Variants in TSNARE1 observed in about 807,000 individuals in gnomAD.
The protein encoded by TSNARE1 is t-SNARE domain containing 1.
TSNARE1 carries 49 observed loss-of-function variants against 62.0 expected under a neutral mutation model. That is an observed-to-expected ratio of 0.79 (90% confidence interval 0.63 to 1.00). TSNARE1 has a LOEUF of 1.00. Ranked by LOEUF, TSNARE1 falls within the 50% of genes least tolerant of loss-of-function variation. The probability of loss-of-function intolerance (pLI) is 0.00; values close to 1 mark genes in which losing one functional copy is unlikely to be tolerated. For synonymous variants in TSNARE1, 328 were observed against 294.4 expected (o/e 1.11, Z -1.17); for missense variants, 755 against 700.1 (o/e 1.08, Z -0.88).
chr8:142,349,554 G>C (rs565754656), intron 2 of TSNARE1, among the ~76,000 whole-genome samples: 1 of 152,168 alleles, frequency 6.6e-6, no homozygotes. Context: ...ACGCACAGAA[G>C]GGGGAAGCCA....
rs1386568209 is a variant in TSNARE1 at position 142,301,393 on chromosome 8, G to A, written c.1132-749C>T. Among the ~76,000 whole-genome samples the A allele has an allele frequency of 1.6e-4, 16 of 102,062 alleles. No homozygotes were observed. The East Asian group carries it at 3.3e-3, about 21-fold the overall frequency. The allele number at this position is 102,062 out of a possible 152,430, so 67.0% of individuals were successfully genotyped here. The stretch of plus-strand genomic sequence containing the variant: ...GCCAGCAGGCCTTCCTTCCCCTCCC[G>A]TCAGGAGCCCGGCCACAGTGCCCCC... On this transcript the variant is annotated intron_variant, in intron 9 of 13. Transcript: ENST00000524325.
At chr8:142,343,649 T>C (rs1832895488) in intron 4 of TSNARE1, among the ~76,000 whole-genome samples, 1 of 150,662 alleles carries the variant, frequency 6.6e-6, no homozygotes, top group African/African-American at 2.5e-5. Flanking sequence ...GTAATAGATA[T>C]TGGCTGAATG....
At chr8:142,403,245 C>G (rs1424599479), upstream of TSNARE1, 1 of 151,410 alleles carries the variant, frequency 6.6e-6, no homozygotes, top group Non-Finnish European at 1.5e-5. Context: ...CCGCCGGTCC[C>G]GGACGCGCGC....
At chr8:142,352,930 C>T (rs1834299132) in intron 2 of TSNARE1, among the ~76,000 whole-genome samples, 1 of 152,174 alleles carries the variant, frequency 6.6e-6, no homozygotes, top group African/African-American at 2.4e-5. Context: ...TGCACACACA[C>T]GTACAATCCT....
intron 12 of TSNARE1, among the ~76,000 whole-genome samples, chr8:142,239,340 A>T (rs1184339588): frequency 6.6e-6 from 1 of 152,228 alleles, no homozygotes; most frequent in Non-Finnish European, 1.5e-5. Flanking sequence ...GTAAGAGCCA[A>T]GACAGGCCTG....
In TSNARE1 at chr8:142,344,109, T is replaced by TCGCC; in HGVS notation, c.598_601dup (p.Asp201GlyfsTer91). 6.2e-7 allele frequency: 1 copy of TCGCC among 1,610,380 alleles called. No homozygotes were observed. The highest frequency in any genetic ancestry group is 8.5e-7 in the Non-Finnish European group (1 of 1,178,450). ...GGGGCCATGGGCCGCCTTCCGGAGG[T>TCGCC]CGCCCAGCTTGCGCCGCACGACGGC... On this transcript the variant is annotated frameshift_variant, in exon 4 of 14. Transcript: ENST00000524325. LOFTEE classifies it high-confidence loss of function.
chr8:142,360,866 G>A (rs890885442), intron 1 of TSNARE1, among the ~76,000 whole-genome samples: 1 of 152,194 alleles, frequency 6.6e-6, no homozygotes, highest in African/African-American at 2.4e-5. Flanking sequence ...CCCAACTCCT[G>A]GGCTGTGGGG....
At chr8:142,332,817 C>A (rs1353325808) in intron 4 of TSNARE1, among the ~76,000 whole-genome samples, 8 of 152,126 alleles carry the variant, frequency 5.3e-5, no homozygotes, top group African/African-American at 1.7e-4. Context: ...GCCAGCAGTC[C>A]CAGGGTTTAC....
At chr8:142,222,702 A>G (rs1816426676) in intron 13 of TSNARE1, among the ~76,000 whole-genome samples, 1 of 116,054 alleles carries the variant, frequency 8.6e-6, no homozygotes. Flanking sequence ...TCACTCATCC[A>G]CTCACTCACT....
At chr8:142,350,354 G>A (rs1304992137) in intron 2 of TSNARE1, among the ~76,000 whole-genome samples, 1 of 152,216 alleles carries the variant, frequency 6.6e-6, no homozygotes, top group African/African-American at 2.4e-5. Flanking sequence ...TGAACATTTA[G>A]ATAAAACAGT....
At chr8:142,235,171 A>C (rs1328098770) in intron 12 of TSNARE1, among the ~76,000 whole-genome samples, 1 of 151,434 alleles carries the variant, frequency 6.6e-6, no homozygotes, top group East Asian at 1.9e-4. Flanking sequence ...CCCGTGGTCC[A>C]GAGAAGGACG....
chr8:142,321,285 C>G lies in TSNARE1; in HGVS notation c.894-2651G>C, dbSNP rs75146832. On this transcript the variant is annotated intron_variant, in intron 6 of 13. Coordinates refer to ENST00000524325, the MANE Select transcript of TSNARE1 (RefSeq NM_145003.5). ...ACCAGGCAGTACCTCCTACCTCAAA[C>G]AAGCAGAAAATACATTTTAAACAAA... Among the ~76,000 whole-genome samples the G allele has an allele frequency of 4.7e-3, 713 of 152,264 alleles. 9 individuals are homozygous for G. The highest frequency in any genetic ancestry group is 0.016 in the African/African-American group (666 of 41,556).
chr8:142,322,145 G>A (rs1426878256), intron 6 of TSNARE1, among the ~76,000 whole-genome samples: 1 of 152,186 alleles, frequency 6.6e-6, no homozygotes, highest in Non-Finnish European at 1.5e-5. Flanking sequence ...ATTTAACAAG[G>A]AGAAAAACAT....
intron 12 of TSNARE1, among the ~76,000 whole-genome samples, chr8:142,264,838 A>G (rs1306960621): frequency 6.6e-6 from 1 of 152,072 alleles, no homozygotes; most frequent in South Asian, 2.1e-4. Flanking sequence ...TTTTCCTCCA[A>G]TCTGACAGTC....
chr8:142,296,498 G>A (rs1824775980), intron 10 of TSNARE1, among the ~76,000 whole-genome samples: 1 of 151,796 alleles, frequency 6.6e-6, no homozygotes, highest in South Asian at 2.1e-4. Flanking sequence ...CTGTCTTTGG[G>A]GGCACTGGCC....
intron 4 of TSNARE1, among the ~76,000 whole-genome samples, chr8:142,334,863 CAG>C (rs775096454): frequency 3.2e-4 from 48 of 152,284 alleles, no homozygotes; most frequent in Non-Finnish European, 5.0e-4. Context: ...ATTTCAAACA[CAG>C]GGGCAGATTT....
chr8:142,305,989 T>G (rs1269668219), intron 9 of TSNARE1, among the ~76,000 whole-genome samples: 1 of 152,136 alleles, frequency 6.6e-6, no homozygotes, highest in Non-Finnish European at 1.5e-5. Context: ...TCCAAGGCTC[T>G]GGGAAGGAGA....
At chr8:142,295,177 A>AGCTCCCACAT (rs769535229) in intron 10 of TSNARE1, among the ~76,000 whole-genome samples, 11 of 151,640 alleles carry the variant, frequency 7.3e-5, no homozygotes, top group Non-Finnish European at 1.3e-4. Context: ...AAGCAGACTC[A>AGCTCCCACAT]GCTCCCACAT....
chr8:142,315,159 A>T lies in TSNARE1; in HGVS notation c.985-67T>A, dbSNP rs957357285. The T allele has an allele frequency of 7.9e-6, 12 of 1,520,868 alleles. 1 individual carries two copies. The Middle Eastern group carries it at 5.3e-4, about 67-fold the overall frequency. The allele number at this position is 1,520,868 out of a possible 1,614,324, so 94.2% of individuals were successfully genotyped here. A position where few individuals can be genotyped will look rare whatever the true frequency, so the allele number is the denominator to read the frequency against. On this transcript the variant is annotated intron_variant, in intron 7 of 13. Transcript: ENST00000524325. The stretch of plus-strand genomic sequence containing the variant: ...CCTGCCCCAGCAGCCCCCACCACCC[A>T]CACCTCCTCCCGTACCGATGTCCCA...
Sources: gnomAD v4.1 joint callset for allele counts (sites outside exome capture counted in the v4.1 genomes callset) on GRCh38, gnomAD v4.1.1 for gene constraint, MANE v1.5 for transcripts, NCBI Gene and HGNC (gene_info 2026-07-23, HGNC 2026-07-21) for gene names.